Variants in CTNNA2 observed in about 807,000 individuals in gnomAD.
CTNNA2 encodes the protein catenin alpha-2.
In CTNNA2, 42 loss-of-function variants were observed where a neutral mutation model predicts 101.0. The ratio of observed to expected loss-of-function variants is 0.42; its 90% CI spans 0.32 to 0.54. CTNNA2 has a LOEUF of 0.54. Among genes scored for constraint, CTNNA2 ranks in the 20% least tolerant of loss-of-function variants. The pLI, the probability that CTNNA2 is intolerant of heterozygous loss-of-function variation, is 0.14. For missense variants in CTNNA2, 871 were observed against 1,223.1 expected, an observed-to-expected ratio of 0.71 and a Z score of 4.29; for synonymous variants, 450 against 456.4, an observed-to-expected ratio of 0.99 and a Z score of 0.18.
chr2:79,664,059 AG>A (rs904409292), intron 2 of CTNNA2, among the ~76,000 whole-genome samples: 54 of 152,356 alleles, frequency 3.5e-4, no homozygotes, highest in African/African-American at 1.3e-3. Flanking sequence ...GCTTTTAAAA[AG>A]TGTGTATGAA....
At chr2:80,111,319 G>T (rs1701195990) in intron 7 of CTNNA2, among the ~76,000 whole-genome samples, 1 of 152,188 alleles carries the variant, frequency 6.6e-6, no homozygotes, top group South Asian at 2.1e-4. Context: ...GGTTCTGTGA[G>T]CAAGGGTGCC....
intron 2 of CTNNA2, among the ~76,000 whole-genome samples, chr2:79,210,924 G>T (rs867041972): frequency 3.3e-5 from 5 of 152,034 alleles, no homozygotes; most frequent in Admixed American, 1.3e-4. Flanking sequence ...TCTCCCGCCT[G>T]GGGGAGGAAA....
chr2:79,854,789 A>G (rs1202967656), intron 3 of CTNNA2, among the ~76,000 whole-genome samples: 1 of 152,226 alleles, frequency 6.6e-6, no homozygotes, highest in Non-Finnish European at 1.5e-5. Flanking sequence ...AAGAATGTAT[A>G]TAAAAGAAGC....
chr2:79,737,356 A>T (rs1339373230), intron 2 of CTNNA2, among the ~76,000 whole-genome samples: 1 of 152,108 alleles, frequency 6.6e-6, no homozygotes, highest in Non-Finnish European at 1.5e-5. Flanking sequence ...CTCAAAAAAA[A>T]AAAAAAAAGG....
chr2:80,411,337 G>A (rs893232623), intron 8 of CTNNA2, among the ~76,000 whole-genome samples: 4 of 151,714 alleles, frequency 2.6e-5, no homozygotes, highest in Admixed American at 6.6e-5. Flanking sequence ...AGTGAGTATC[G>A]AGCAGGTCTC....
intron 9 of CTNNA2, among the ~76,000 whole-genome samples, chr2:80,432,763 A>G (rs973056868): frequency 6.6e-6 from 1 of 152,168 alleles, no homozygotes; most frequent in African/African-American, 2.4e-5. Flanking sequence ...CATGAGCTCT[A>G]TCACCTTCCC....
chr2:80,010,346 G>A (rs972531455), intron 7 of CTNNA2, among the ~76,000 whole-genome samples: 1 of 152,018 alleles, frequency 6.6e-6, no homozygotes, highest in South Asian at 2.1e-4. Flanking sequence ...TTGAGACAGG[G>A]TCTCACTCTG....
intron 12 of CTNNA2, among the ~76,000 whole-genome samples, chr2:80,566,615 C>T (rs1020027735): frequency 2.0e-5 from 3 of 152,142 alleles, no homozygotes; most frequent in African/African-American, 7.2e-5. Context: ...AAAAGATCCA[C>T]TGAGGCAATA....
intron 13 of CTNNA2, among the ~76,000 whole-genome samples, chr2:80,580,336 C>G (rs558589821): frequency 6.6e-6 from 1 of 152,132 alleles, no homozygotes; most frequent in African/African-American, 2.4e-5. Flanking sequence ...TTCCTTATCA[C>G]TGACTTTATA....
intron 7 of CTNNA2, among the ~76,000 whole-genome samples, chr2:79,918,301 A>G (rs1053857721): frequency 6.6e-6 from 1 of 152,194 alleles, no homozygotes; most frequent in African/African-American, 2.4e-5. Flanking sequence ...CAAGAAAGTA[A>G]TTAACTGGAG....
At chr2:79,321,085 A>G (rs1033318733) in intron 3 of CTNNA2, among the ~76,000 whole-genome samples, 3 of 152,210 alleles carry the variant, frequency 2.0e-5, no homozygotes, top group Non-Finnish European at 4.4e-5. Context: ...ACCTTTGTTA[A>G]GTACTTACTA....
At chr2:80,539,969 A>G (rs552837245) in intron 9 of CTNNA2, among the ~76,000 whole-genome samples, 97 of 152,350 alleles carry the variant, frequency 6.4e-4, no homozygotes, top group Non-Finnish European at 1.2e-3. Flanking sequence ...GGCGGGGCCC[A>G]GTTGAGCAAG....
intron 9 of CTNNA2, among the ~76,000 whole-genome samples, chr2:80,469,551 G>T (rs182367996): frequency 6.6e-6 from 1 of 152,326 alleles, no homozygotes; most frequent in Non-Finnish European, 1.5e-5. Flanking sequence ...TAGACATTAG[G>T]TACTAGTAGC....
chr2:80,347,863 G>A (rs1215151709), intron 7 of CTNNA2, among the ~76,000 whole-genome samples: 1 of 144,430 alleles, frequency 6.9e-6, no homozygotes, highest in Admixed American at 7.0e-5. Context: ...TTCCAGAAGG[G>A]TTGTTTAAAG....
chr2:80,323,099 G>A (rs1678877732), intron 7 of CTNNA2, among the ~76,000 whole-genome samples: 1 of 152,230 alleles, frequency 6.6e-6, no homozygotes, highest in South Asian at 2.1e-4. Context: ...ACCAGGGTCA[G>A]TGCTGGCACC....
At chr2:80,265,011 G>C (rs986234667) in intron 7 of CTNNA2, among the ~76,000 whole-genome samples, 3 of 146,790 alleles carry the variant, frequency 2.0e-5, no homozygotes, top group Non-Finnish European at 4.5e-5. Flanking sequence ...GTCTTGCTCT[G>C]TCACCCACAC....
chr2:80,606,710 G>A (rs1056120563), intron 16 of CTNNA2, among the ~76,000 whole-genome samples: 4 of 151,816 alleles, frequency 2.6e-5, no homozygotes, highest in Non-Finnish European at 5.9e-5. Context: ...GTATTATCAA[G>A]GACTGGATTG....
chr2:79,510,762 T>C (rs1432978298), upstream of CTNNA2, among the ~76,000 whole-genome samples: 1 of 152,218 alleles, frequency 6.6e-6, no homozygotes, highest in Non-Finnish European at 1.5e-5. Context: ...TTTAAAGCAA[T>C]TGCATGAACT....
intron 3 of CTNNA2, among the ~76,000 whole-genome samples, chr2:79,342,864 T>A (rs1242733064): frequency 6.6e-6 from 1 of 152,194 alleles, no homozygotes; most frequent in Non-Finnish European, 1.5e-5. Context: ...CTTCACTGCA[T>A]CATGCCAGAG....
Sources: gnomAD v4.1 joint callset for allele counts (sites outside exome capture counted in the v4.1 genomes callset) on GRCh38, gnomAD v4.1.1 for gene constraint, MANE v1.5 for transcripts, NCBI Gene and HGNC (gene_info 2026-07-23, HGNC 2026-07-21) for gene names.